Variants in QSER1 observed in about 807,000 individuals in gnomAD.
QSER1 encodes glutamine and serine rich 1, also known as glutamine and serine-rich protein 1.
Under a neutral mutation model 158.5 loss-of-function variants are expected in QSER1, and 49 were observed. The ratio of observed to expected loss-of-function variants is 0.31; its 90% CI spans 0.25 to 0.39. QSER1 has a LOEUF of 0.39. Among genes scored for constraint, QSER1 ranks in the 10% least tolerant of loss-of-function variants. QSER1 has a pLI of 1.00. For missense variants in QSER1, 1,754 were observed against 2,010.3 expected (o/e 0.87, Z 2.44); for synonymous variants, 650 against 715.5 (o/e 0.91, Z 1.46).
chr11:32,936,086 C>T (rs774292895), intron 4 of QSER1, among the ~76,000 whole-genome samples: 16 of 151,922 alleles, frequency 1.1e-4, no homozygotes, highest in Non-Finnish European at 1.6e-4. Flanking sequence ...ATGTGCACAA[C>T]GTGCAGGTTA....
At chr11:32,955,498 T>C in intron 6 of QSER1, 86 bp downstream of exon 6, 1 of 615,432 alleles carries the variant, frequency 1.6e-6, no homozygotes, top group Non-Finnish European at 2.8e-6. Context: ...TATTTTATAT[T>C]GAATATTTTT....
chr11:32,935,082 A>G lies in QSER1; in HGVS notation c.3824A>G (p.Lys1275Arg), dbSNP rs1300203887. 1.2e-6 allele frequency: 2 copies of G among 1,613,982 alleles called. No homozygotes were observed. The highest frequency in any genetic ancestry group is 1.3e-5 in the African/African-American group (1 of 74,930). Residue 1275 changes from lysine (K) to arginine (R), a missense_variant, in exon 4 of 13, where the codon AAA (lysine) becomes AGA (arginine). Coordinates refer to ENST00000650167, the MANE Select transcript of QSER1 (RefSeq NM_001076786.3). ...KEVEEKQPEV[K>R]TGFIASFLDF... ...GTGGAGGAAAAACAACCAGAAGTCA[A>G]AACAGGATTTATTGCTTCTTTCTTA...
At chr11:32,948,020 A>G (rs1344491401) in intron 4 of QSER1, among the ~76,000 whole-genome samples, 1 of 152,280 alleles carries the variant, frequency 6.6e-6, no homozygotes, top group Non-Finnish European at 1.5e-5. Flanking sequence ...AATACAAAAC[A>G]AAACTTCCAC....
intron 8 of QSER1, among the ~76,000 whole-genome samples, chr11:32,958,475 A>G (rs1199207976): frequency 6.6e-6 from 1 of 151,982 alleles, no homozygotes. Flanking sequence ...GCAGCCTCGA[A>G]CACCTGGGCT....
chr11:32,931,382 T>C (rs768184730), intron 3 of QSER1, among the ~76,000 whole-genome samples: 3 of 152,032 alleles, frequency 2.0e-5, no homozygotes, highest in African/African-American at 7.2e-5. Context: ...GAGTTCAAGA[T>C]AGCCTGAGCA....
Position 32,969,009 on chromosome 11 carries a change from TGATA to T in QSER1, c.5108-35_5108-32del, listed in dbSNP as rs746043997. 2.4e-5 allele frequency: 26 copies of T among 1,105,282 alleles called. No individual in the cohort carries two copies. The African/African-American group carries it at 3.9e-4, about 17-fold the overall frequency. 68.5% of individuals were successfully genotyped at this position (1,105,282 alleles called of 1,614,324 possible). ...TTGGATTTTTTTCAAAAATATTTAT[TGATA>T]GTTTATCCTGTTAAATTATAATGTT... On this transcript the variant is annotated intron_variant, in intron 9 of 12. Transcript: ENST00000650167.
intron 8 of QSER1, among the ~76,000 whole-genome samples, chr11:32,964,397 G>A (rs1852685981): frequency 2.0e-5 from 3 of 152,042 alleles, no homozygotes. Context: ...TGATTCGTGG[G>A]GTAAGGCACC....
chr11:32,974,115 A>G (rs142157444), intron 11 of QSER1, among the ~76,000 whole-genome samples: 15 of 152,354 alleles, frequency 9.8e-5, no homozygotes, highest in East Asian at 3.9e-4. Context: ...CAACATATCA[A>G]CTTCACAGCA....
At position 32,966,291 on chromosome 11, in the gene QSER1, C is replaced by T. The variant is rs763966166; in HGVS notation, c.4970-9C>T. On this transcript the variant is annotated splice_polypyrimidine_tract_variant and intron_variant, in intron 8 of 12. Transcript: ENST00000650167. ...GAAAATTTAATATTTAACCCTTTCT[C>T]CCTCCCAGAATTTGAACCTCCCGCT... 1.3e-5 allele frequency: 21 copies of T among 1,610,378 alleles called. No homozygotes were observed. The highest frequency in any genetic ancestry group is 3.4e-5 in the Admixed American group (2 of 58,990).
rs995862991 is a variant in QSER1 at position 32,892,956 on chromosome 11, T to G, written c.-170T>G. 7.0e-6 allele frequency among the ~76,000 whole-genome samples: 1 copy of G among 142,490 alleles called. No individual in the cohort carries two copies. The highest frequency in any genetic ancestry group is 1.5e-5 in the Non-Finnish European group (1 of 65,268). 93.5% of individuals were successfully genotyped at this position (142,490 alleles called of 152,430 possible). ...CGGCCCGGGTCTTTGCGGCCCAGAC[T>G]CGCCAGCGCGCCCTTCTCCCGCCTG... On this transcript the variant is annotated 5_prime_UTR_variant, in exon 1 of 13. Coordinates refer to ENST00000650167, the MANE Select transcript of QSER1 (RefSeq NM_001076786.3).
At chr11:32,896,751 A>C (rs1564923258) in intron 1 of QSER1, among the ~76,000 whole-genome samples, 1 of 152,116 alleles carries the variant, frequency 6.6e-6, no homozygotes, top group Non-Finnish European at 1.5e-5. Context: ...CCTAATGCAT[A>C]CTTTTTTTTA....
intron 12 of QSER1, chr11:32,975,583 C>T (rs1011882440): frequency 4.1e-5 from 54 of 1,325,114 alleles, no homozygotes; most frequent in Non-Finnish European, 5.1e-5. Context: ...TGTTTTGAAG[C>T]TGTTGGTGCT....
At chr11:32,899,043 GTA>G (rs1851592597) in intron 1 of QSER1, among the ~76,000 whole-genome samples, 1 of 152,112 alleles carries the variant, frequency 6.6e-6, no homozygotes, top group South Asian at 2.1e-4. Context: ...TTGTGCAATG[GTA>G]TATGTTTTCA....
At chr11:32,970,129 A>G (rs553833515) in intron 10 of QSER1, among the ~76,000 whole-genome samples, 92 of 152,324 alleles carry the variant, frequency 6.0e-4, no homozygotes, top group African/African-American at 2.1e-3. Flanking sequence ...TACCTTAGGG[A>G]ACATTTTTTA....
chr11:32,933,580 A>G lies in QSER1; in HGVS notation c.2322A>G (p.Gln774=). The change falls in exon 4 of 13, where the codon CAA becomes CAG. Residue 774 remains glutamine, a synonymous_variant. Coordinates refer to ENST00000650167, the MANE Select transcript of QSER1 (RefSeq NM_001076786.3). ...GTTCAGTGACACAACTTAACCAACAAATTGGCCAAGTCAATAATGCAGCTA... is the reference window on the plus strand; with the variant it reads ...GTTCAGTGACACAACTTAACCAACAGATTGGCCAAGTCAATAATGCAGCTA... ...VVGSVTQLNQ[Q]IGQVNNAATL... 1 of 1,614,072 alleles carries G rather than the reference A, an allele frequency of 6.2e-7. No individual in the cohort carries two copies.
At chr11:32,953,561 C>A (rs1240022915) in intron 4 of QSER1, among the ~76,000 whole-genome samples, 26 of 152,022 alleles carry the variant, frequency 1.7e-4, no homozygotes, top group Admixed American at 1.7e-3. Flanking sequence ...CAGGTGTGAG[C>A]CACTGTACCC....
chr11:32,974,341 G>A (rs796566956), intron 11 of QSER1, among the ~76,000 whole-genome samples: 56 of 151,856 alleles, frequency 3.7e-4, no homozygotes, highest in East Asian at 3.9e-4. Context: ...TGGGAGGATC[G>A]CTTGAGTCCA....
At chr11:32,949,467 T>C (rs1337757) in intron 4 of QSER1, among the ~76,000 whole-genome samples, 2,256 of 152,314 alleles carry the variant, frequency 0.015, 22 homozygotes, top group Non-Finnish European at 0.024. Context: ...TGTCCATGTA[T>C]CCATGTATGA....
At chr11:32,909,566 A>G (rs977750759) in intron 1 of QSER1, among the ~76,000 whole-genome samples, 5 of 151,936 alleles carry the variant, frequency 3.3e-5, no homozygotes, top group African/African-American at 1.2e-4. Flanking sequence ...CAGCCTCCCA[A>G]GTAGCTGGGA....
Sources: gnomAD v4.1 joint callset for allele counts (sites outside exome capture counted in the v4.1 genomes callset) on GRCh38, gnomAD v4.1.1 for gene constraint, MANE v1.5 for transcripts, NCBI Gene and HGNC (gene_info 2026-07-23, HGNC 2026-07-21) for gene names.